TMEM230: variants seen among roughly 807,000 people sequenced by gnomAD.
TMEM230 encodes transmembrane protein 230, also known as UPF0414 transmembrane protein C20orf30.
Under a neutral mutation model 15.8 loss-of-function variants are expected in TMEM230, and 10 were observed. The ratio of observed to expected loss-of-function variants is 0.63; its 90% CI spans 0.39 to 1.07. The LOEUF is 1.07. Among genes scored for constraint, TMEM230 ranks in the 50% least tolerant of loss-of-function variants. TMEM230 has a pLI of 0.01. For synonymous variants in TMEM230, 67 were observed against 76.9 expected (o/e 0.87, Z 0.68); for missense variants, 165 against 193.3 (o/e 0.85, Z 0.87).
intron 3 of TMEM230, among the ~76,000 whole-genome samples, chr20:5,071,548 G>A (rs1404497439): frequency 6.6e-6 from 1 of 151,458 alleles, no homozygotes; most frequent in African/African-American, 2.4e-5. Flanking sequence ...GCTTGAACCC[G>A]GACGGCGGAG....
At chr20:5,098,226 C>T (rs1480537306), downstream of TMEM230, among the ~76,000 whole-genome samples, 9 of 152,138 alleles carry the variant, frequency 5.9e-5, no homozygotes, top group South Asian at 2.1e-4. Context: ...CCGCCCGCCT[C>T]GGGCTCCCAA....
At chr20:5,106,443 G>C in intron 3 of TMEM230, 133 bp from the exon 3 acceptor site, 1 of 1,134,240 alleles carries the variant, frequency 8.8e-7, no homozygotes, top group South Asian at 1.7e-5. Flanking sequence ...CGTTCTTGTT[G>C]CCCAGGCTAG....
In TMEM230 at chr20:5,094,421, A is replaced by T. The variant is rs112036835; in HGVS notation, c.222+11767T>A. Among the ~76,000 whole-genome samples the T allele has an allele frequency of 3.6e-3, 542 of 149,848 alleles. 5 individuals are homozygous for T. The highest frequency in any genetic ancestry group is 0.014 in the South Asian group (65 of 4,502). On this transcript the variant is annotated intron_variant, in intron 3 of 3. Transcript: ENST00000612323. ...ACACCTGGCTAATTTTTAAAAAAAA[A>T]TTTTTGGCCAGGCATGGTGGCTCAC...
At chr20:5,070,043 G>C (rs777520895) in intron 3 of TMEM230, among the ~76,000 whole-genome samples, 7 of 152,124 alleles carry the variant, frequency 4.6e-5, no homozygotes, top group Non-Finnish European at 8.8e-5. Flanking sequence ...GCTGACCTTA[G>C]TGACTTAAGA....
the TMEM230 span, among the ~76,000 whole-genome samples, chr20:5,062,373 T>TAAAAAA: frequency 7.3e-6 from 1 of 137,494 alleles, no homozygotes; most frequent in Non-Finnish European, 1.6e-5. Context: ...CTGTCTCAAT[T>TAAAAAA]AAAAAAAAAA....
chr20:5,107,376 C>T (rs943939220), intron 3 of TMEM230, among the ~76,000 whole-genome samples: 1 of 152,120 alleles, frequency 6.6e-6, no homozygotes, highest in Admixed American at 6.5e-5. Context: ...GTATGTCCTA[C>T]CACCCAGTGC....
rs1249078621 is a variant in TMEM230, at chr20:5,100,630, G to A, written c.*161C>T. ...AGCTTGTCCTAATTAGCTAACTGTAGGTTCACTTAACATCTTTGGGAAGGA... is the reference window on the plus strand; with the variant it reads ...AGCTTGTCCTAATTAGCTAACTGTAAGTTCACTTAACATCTTTGGGAAGGA... On this transcript the variant is annotated 3_prime_UTR_variant, in exon 5 of 5. Transcript: ENST00000342308. The A allele has an allele frequency of 3.3e-4, 471 of 1,430,604 alleles. 1 individual carries two copies. Among genetic ancestry groups the A allele is most frequent in the Non-Finnish European group, 2.4e-5 (26 of 1,094,802 alleles). 88.6% of individuals were successfully genotyped at this position (1,430,604 alleles called of 1,614,324 possible).
chr20:5,065,260 A>G (rs1223605311), downstream of TMEM230, among the ~76,000 whole-genome samples: 1 of 152,126 alleles, frequency 6.6e-6, no homozygotes. Flanking sequence ...TCTCAAAAAA[A>G]AAAAGATTAA....
intron 3 of TMEM230, 156 bp downstream of exon 2, chr20:5,109,176 T>A: frequency 1.7e-6 from 1 of 584,408 alleles, no homozygotes; most frequent in South Asian, 2.4e-5. Flanking sequence ...GGCCCTCTTC[T>A]GCGATTATGG....
Position 5,112,655 on chromosome 20 carries a change from T to C in TMEM230, c.68+306A>G, listed in dbSNP as rs961595250. The C allele has an allele frequency of 5.2e-6, 7 of 1,338,240 alleles. No homozygotes were observed. In the East Asian group the frequency reaches 1.3e-4, roughly 24 times the overall value. 82.9% of individuals were successfully genotyped at this position (1,338,240 alleles called of 1,614,324 possible). ...GCTACCCCCAAACTCCCTCAGCACC[T>C]GAATGTTACGAGAGTTCTAAAAGCA... On this transcript the variant is annotated intron_variant, in intron 1 of 4. Coordinates refer to ENST00000342308, the MANE Select transcript of TMEM230 (RefSeq NM_001009923.2).
At chr20:5,098,944 T>C (rs79584780), downstream of TMEM230, among the ~76,000 whole-genome samples, 2,704 of 152,192 alleles carry the variant, frequency 0.018, 77 homozygotes, top group African/African-American at 0.061. Flanking sequence ...GGAGTGAATG[T>C]ACACTCTCCA....
the TMEM230 span, among the ~76,000 whole-genome samples, chr20:5,059,310 G>A: frequency 6.6e-6 from 1 of 151,648 alleles, no homozygotes. Context: ...AAGTAATCAG[G>A]CTTACCAATT....
intron 3 of TMEM230, among the ~76,000 whole-genome samples, chr20:5,082,084 G>A (rs896373885): frequency 2.7e-5 from 4 of 150,922 alleles, no homozygotes; most frequent in Middle Eastern, 3.4e-3. Flanking sequence ...ATGTGGTTTC[G>A]CCATGTTGGC....
At chr20:5,104,146 A>G (rs1209199816) in intron 4 of TMEM230, among the ~76,000 whole-genome samples, 1 of 152,256 alleles carries the variant, frequency 6.6e-6, no homozygotes, top group African/African-American at 2.4e-5. Flanking sequence ...AAATAGGTAT[A>G]TGAAAAGGTG....
the TMEM230 span, among the ~76,000 whole-genome samples, chr20:5,060,305 G>C: frequency 6.7e-6 from 1 of 150,358 alleles, no homozygotes; most frequent in East Asian, 1.9e-4. Context: ...TGTATGGACT[G>C]GAATCATATG....
intron 2 of TMEM230, among the ~76,000 whole-genome samples, 172 bp from the exon 2 acceptor site, chr20:5,109,617 T>C (rs1412840278): frequency 6.6e-6 from 1 of 152,180 alleles, no homozygotes; most frequent in African/African-American, 2.4e-5. Flanking sequence ...CAGAGGCATA[T>C]GCATATGGAA....
At chr20:5,089,807 CAGG>C (rs1299927327) in intron 3 of TMEM230, among the ~76,000 whole-genome samples, 4 of 152,124 alleles carry the variant, frequency 2.6e-5, no homozygotes, top group African/African-American at 9.7e-5. Flanking sequence ...GACCTGAGGT[CAGG>C]AGTTCGAGAC....
At position 5,100,213 on chromosome 20, in the gene TMEM230, A is replaced by G. The variant is rs958271286; in HGVS notation, c.*578T>C. ...GAATGGTCCAAGGACTGTTAAACAG[A>G]GGAAGTATTTACATTTTGAAAACTT... On this transcript the variant is annotated 3_prime_UTR_variant, in exon 5 of 5. Coordinates refer to ENST00000342308, the MANE Select transcript of TMEM230 (RefSeq NM_001009923.2). 11 of 985,470 alleles carry G rather than the reference A, an allele frequency of 1.1e-5. No homozygotes were observed. In the Admixed American group the frequency reaches 3.7e-4, roughly 33 times the overall value. The allele number at this position is 985,470 out of a possible 1,614,324, so 61.0% of individuals were successfully genotyped here.
At chr20:5,108,652 A>T (rs1318108228) in intron 3 of TMEM230, among the ~76,000 whole-genome samples, 1 of 152,174 alleles carries the variant, frequency 6.6e-6, no homozygotes, top group African/African-American at 2.4e-5. Context: ...GGGTCCAAAG[A>T]GTAATTTATT....
Sources: gnomAD v4.1 joint callset for allele counts (sites outside exome capture counted in the v4.1 genomes callset) on GRCh38, gnomAD v4.1.1 for gene constraint, MANE v1.5 for transcripts, NCBI Gene and HGNC (gene_info 2026-07-23, HGNC 2026-07-21) for gene names.